Variants in SPON2 observed in about 807,000 individuals in gnomAD.
The protein encoded by SPON2 is spondin 2.
Under a neutral mutation model 29.9 loss-of-function variants are expected in SPON2, and 32 were observed. The observed-to-expected ratio is 1.07, with a 90% confidence interval of 0.81 to 1.44. The LOEUF (loss-of-function observed/expected upper bound fraction) is 1.44. SPON2 is among the 40% of genes most tolerant of loss of function. SPON2 has a pLI of 0.00. For missense variants in SPON2, 541 were observed against 455.5 expected, an observed-to-expected ratio of 1.19 and a Z score of -1.71; for synonymous variants, 248 against 209.1, an observed-to-expected ratio of 1.19 and a Z score of -1.61.
chr4:1,171,434 A>G lies in SPON2; in HGVS notation c.273T>C (p.Ser91=). 6.2e-7 allele frequency: 1 copy of G among 1,612,250 alleles called. No individual in the cohort carries two copies. Among genetic ancestry groups the G allele is most frequent in the Non-Finnish European group, 8.5e-7 (1 of 1,179,770 alleles). The change falls in exon 3 of 6, where the codon AGT becomes AGC. Residue 91 remains serine, a synonymous_variant. Transcript: ENST00000290902. The part of the protein sequence containing the change: ...YSMWRKNQYV[S]NGLRDFAERG... ...GCTCCGCAAAGTCGCGCAGCCCGTTACTGACGTACTGGTTCTTCCTCCACA... is the reference window on the plus strand; with the variant it reads ...GCTCCGCAAAGTCGCGCAGCCCGTTGCTGACGTACTGGTTCTTCCTCCACA...
At chr4:1,188,167 C>A (rs1469017249) in intron 1 of SPON2, among the ~76,000 whole-genome samples, 1 of 127,946 alleles carries the variant, frequency 7.8e-6, no homozygotes, top group African/African-American at 3.0e-5. Flanking sequence ...GCCAAGATCA[C>A]ACCACTGCCT....
intron 1 of SPON2, among the ~76,000 whole-genome samples, chr4:1,187,226 A>T (rs1727823435): frequency 6.6e-6 from 1 of 152,238 alleles, no homozygotes; most frequent in South Asian, 2.1e-4. Context: ...TATAATATGG[A>T]TCACCCTTGA....
At position 1,205,551 on chromosome 4, in the gene SPON2, A is replaced by G. The variant is rs554165903; in HGVS notation, c.-234+2329T>C. On this transcript the variant is annotated intron_variant, in intron 1 of 3. Coordinates refer to the SPON2 transcript ENST00000509233. ...AAAACGAGGATCCTGGCCTCCCGCAATCCTGTCCCCAGAGGCCCCATCGGA... is the reference window on the plus strand; with the variant it reads ...AAAACGAGGATCCTGGCCTCCCGCAGTCCTGTCCCCAGAGGCCCCATCGGA... Among the ~76,000 whole-genome samples the G allele has an allele frequency of 2.0e-5, 3 of 151,272 alleles. No individual in the cohort carries two copies. The East Asian group carries it at 5.9e-4, about 30-fold the overall frequency.
chr4:1,171,028 C>A lies in SPON2; in HGVS notation c.607G>T (p.Ala203Ser), dbSNP rs1241889429. The stretch of plus-strand genomic sequence containing the variant: ...GTCACCGTGTCCTGCGGGATGGTGG[C>A]GAAGTTGGGGGAGGAGAAGGTGAAG... The part of the protein sequence containing the change: ...SGFTFSSPNF[A>S]TIPQDTVTEI... The change falls in exon 4 of 6, where the codon GCC becomes TCC. Residue 203 changes from alanine to serine, a missense_variant. By Grantham distance (99) the Ala-to-Ser change is moderately conservative. Transcript: ENST00000290902. The A allele has an allele frequency of 1.3e-6, 2 of 1,548,584 alleles. No homozygotes were observed. The highest frequency in any genetic ancestry group is 1.7e-6 in the Non-Finnish European group (2 of 1,145,698).
chr4:1,181,132 G>T (rs1446592531), intron 1 of SPON2, among the ~76,000 whole-genome samples: 1 of 152,134 alleles, frequency 6.6e-6, no homozygotes, highest in Non-Finnish European at 1.5e-5. Flanking sequence ...AATCTTGAAG[G>T]CATCAAGAGA....
chr4:1,194,531 G>A (rs376082080), intron 1 of SPON2, among the ~76,000 whole-genome samples: 22 of 152,292 alleles, frequency 1.4e-4, no homozygotes, highest in African/African-American at 4.6e-4. Flanking sequence ...GGGACAGGGC[G>A]GCTTGCACAG....
chr4:1,194,220 A>G (rs1251175733), intron 1 of SPON2, among the ~76,000 whole-genome samples: 1 of 152,096 alleles, frequency 6.6e-6, no homozygotes. Flanking sequence ...GGCTCCTCCA[A>G]GGGTCTTCGG....
chr4:1,177,861 G>A (rs185715899), upstream of SPON2, among the ~76,000 whole-genome samples: 7 of 152,242 alleles, frequency 4.6e-5, no homozygotes, highest in African/African-American at 7.2e-5. Flanking sequence ...ACCCACCCAC[G>A]GGAGCGGCCG....
chr4:1,197,360 C>T (rs945959977), upstream of SPON2, among the ~76,000 whole-genome samples: 5 of 152,086 alleles, frequency 3.3e-5, no homozygotes, highest in Admixed American at 6.5e-5. Context: ...AAATAAATAA[C>T]GGAAAGTGCC....
intron 5 of SPON2, 80 bp downstream of exon 5, chr4:1,170,322 C>G (rs555480249): frequency 2.9e-6 from 4 of 1,400,164 alleles, no homozygotes; most frequent in Non-Finnish European, 4.0e-6. Flanking sequence ...TTTCTCAGAG[C>G]CTTAGGTTCG....
At chr4:1,190,512 G>A (rs966041503) in intron 1 of SPON2, among the ~76,000 whole-genome samples, 1 of 152,124 alleles carries the variant, frequency 6.6e-6, no homozygotes, top group African/African-American at 2.4e-5. Context: ...TATCTCTTAT[G>A]AATATAGCTG....
At chr4:1,198,185 C>T (rs1199769785), upstream of SPON2, among the ~76,000 whole-genome samples, 1 of 152,266 alleles carries the variant, frequency 6.6e-6, no homozygotes, top group African/African-American at 2.4e-5. Context: ...TGAGACAGCC[C>T]GCTCGGCCGG....
chr4:1,202,289 C>A lies in SPON2; in HGVS notation c.-234+5591G>T, dbSNP rs1412379875. Among the ~76,000 whole-genome samples the A allele has an allele frequency of 6.6e-6, 1 of 152,206 alleles. No individual in the cohort carries two copies. Among genetic ancestry groups the A allele is most frequent in the Non-Finnish European group, 1.5e-5 (1 of 68,034 alleles). On this transcript the variant is annotated intron_variant, in intron 1 of 3. Transcript: ENST00000509233. The surrounding 1 kb of genome is among the most constrained non-coding windows in gnomAD (Gnocchi z 5.4). ...GCCCTTTTCATGGTGGCTTTAGTCACAAGGGCTCTGCCTCGTGAGTGGATC... is the reference window on the plus strand; with the variant it reads ...GCCCTTTTCATGGTGGCTTTAGTCAAAAGGGCTCTGCCTCGTGAGTGGATC...
At chr4:1,207,331 C>T (rs555224379) in intron 1 of SPON2, among the ~76,000 whole-genome samples, 2 of 152,120 alleles carry the variant, frequency 1.3e-5, no homozygotes, top group South Asian at 2.1e-4. Context: ...GCCCTGGCCC[C>T]GGCTGGCCCC....
At chr4:1,206,867 C>T (rs1728353782) in intron 1 of SPON2, among the ~76,000 whole-genome samples, 1 of 151,098 alleles carries the variant, frequency 6.6e-6, no homozygotes, top group African/African-American at 2.4e-5. Flanking sequence ...CAGGTGTGAG[C>T]AGGTGTGAGC....
rs536831037 is a variant in SPON2, at chr4:1,172,219, G to C, written c.-3-145C>G. ...TCCCTGCTCCGCAAAGCTCTCCTGC[G>C]GTGCTTCCGAGACCCCCATCAGCGG... On this transcript the variant is annotated intron_variant, in intron 1 of 5. Coordinates refer to ENST00000290902, the MANE Select transcript of SPON2 (RefSeq NM_012445.4). 89 of 708,566 alleles carry C rather than the reference G, an allele frequency of 1.3e-4. No homozygotes were observed. In the African/African-American group the frequency reaches 1.5e-3, roughly 12 times the overall value. The allele number at this position is 708,566 out of a possible 1,614,324, so 43.9% of individuals were successfully genotyped here. A position where few individuals can be genotyped will look rare whatever the true frequency, so the allele number is the denominator to read the frequency against.
chr4:1,169,588 TG>T (rs1000876659), intron 5 of SPON2, among the ~76,000 whole-genome samples: 10 of 152,116 alleles, frequency 6.6e-5, no homozygotes, highest in African/African-American at 2.4e-4. Context: ...CCACATGGCT[TG>T]GGGGGCAGGT....
chr4:1,188,202 C>CAAA lies in SPON2; in HGVS notation c.-239+6785_-239+6787dup, dbSNP rs1164276990. ...TGGGCAACAGAGCAAGACTCCGTCT[C>CAAA]AAAAAAAAAAAAAAAAAAAAAAAAG... On this transcript the variant is annotated intron_variant, in intron 1 of 3. Coordinates refer to the SPON2 transcript ENST00000502483. Among the ~76,000 whole-genome samples the CAAA allele has an allele frequency of 4.9e-4, 18 of 36,534 alleles. 1 individual carries two copies. Among genetic ancestry groups the CAAA allele is most frequent in the African/African-American group, 6.3e-4 (6 of 9,456 alleles). 24.0% of individuals were successfully genotyped at this position (36,534 alleles called of 152,430 possible).
At chr4:1,196,396 A>G (rs1006140855), upstream of SPON2, among the ~76,000 whole-genome samples, 1 of 152,182 alleles carries the variant, frequency 6.6e-6, no homozygotes, top group Non-Finnish European at 1.5e-5. Context: ...CCTCTCATCT[A>G]TACCGTGGAA....
Sources: gnomAD v4.1 joint callset for allele counts (sites outside exome capture counted in the v4.1 genomes callset) on GRCh38, gnomAD v4.1.1 for gene constraint, Gnocchi (gnomAD v3.1) non-coding constraint, MANE v1.5 for transcripts, NCBI Gene and HGNC (gene_info 2026-07-23, HGNC 2026-07-21) for gene names.